DOCK10: variants seen among roughly 807,000 people sequenced by gnomAD.
The protein encoded by DOCK10 is dedicator of cytokinesis protein 10.
DOCK10 carries 145 observed loss-of-function variants against 280.1 expected under a neutral mutation model. The observed-to-expected ratio is 0.52, with a 90% confidence interval of 0.45 to 0.59. DOCK10 has a LOEUF of 0.59. Among genes scored for constraint, DOCK10 ranks in the 20% least tolerant of loss-of-function variants. The pLI is 0.00. For missense variants in DOCK10, 2,368 were observed against 2,651.7 expected (o/e 0.89, Z 2.35); for synonymous variants, 915 against 942.2 (o/e 0.97, Z 0.53).
At chr2:225,019,594 T>C (rs1157273215) in intron 1 of DOCK10, among the ~76,000 whole-genome samples, 1 of 152,102 alleles carries the variant, frequency 6.6e-6, no homozygotes, top group African/African-American at 2.4e-5. Context: ...TTCCCGCTGC[T>C]CAATGCCTAC....
chr2:224,898,917 C>T (rs1032642697), intron 3 of DOCK10, among the ~76,000 whole-genome samples: 12 of 152,152 alleles, frequency 7.9e-5, no homozygotes, highest in Non-Finnish European at 5.9e-5. Context: ...AATGTTTTAT[C>T]TTCATTTTGG....
intron 1 of DOCK10, among the ~76,000 whole-genome samples, chr2:225,041,043 C>T (rs1477401844): frequency 6.6e-6 from 1 of 150,978 alleles, no homozygotes; most frequent in Non-Finnish European, 1.5e-5. Flanking sequence ...CTCCAATCAC[C>T]CCCGCCCGCT....
At chr2:224,771,595 A>G (rs1690441138) in intron 53 of DOCK10, among the ~76,000 whole-genome samples, 1 of 152,222 alleles carries the variant, frequency 6.6e-6, no homozygotes, top group Admixed American at 6.5e-5. Context: ...TAGTGCATAG[A>G]AGCCTTTAAT....
At chr2:224,981,228 T>A (rs6722839) in intron 1 of DOCK10, among the ~76,000 whole-genome samples, 101,307 of 152,024 alleles carry the variant, frequency 0.67, 34,295 homozygotes, top group Middle Eastern at 0.78. Flanking sequence ...AGAATAATAT[T>A]GCTTTTTGAA....
At chr2:224,851,483 T>C (rs925057052) in intron 18 of DOCK10, among the ~76,000 whole-genome samples, 1 of 151,802 alleles carries the variant, frequency 6.6e-6, no homozygotes, top group African/African-American at 2.4e-5. Context: ...AGACTCTTTT[T>C]TATATTTACC....
chr2:224,779,321 T>G (rs1691129035), intron 50 of DOCK10, among the ~76,000 whole-genome samples: 1 of 151,930 alleles, frequency 6.6e-6, no homozygotes, highest in Non-Finnish European at 1.5e-5. Context: ...GTTCAAGCGA[T>G]TCTCCTACTT....
chr2:224,980,217 G>T (rs4674957), intron 1 of DOCK10, among the ~76,000 whole-genome samples: 4,733 of 152,234 alleles, frequency 0.031, 231 homozygotes, highest in African/African-American at 0.11. Context: ...ACAAGAGCAG[G>T]TTCCTGAGCT....
chr2:225,013,760 C>T (rs905879075), intron 1 of DOCK10, among the ~76,000 whole-genome samples: 49 of 152,120 alleles, frequency 3.2e-4, no homozygotes, highest in African/African-American at 1.2e-3. Context: ...CAGGTATTTA[C>T]AATTCCTTTT....
intron 39 of DOCK10, among the ~76,000 whole-genome samples, chr2:224,802,311 A>G (rs1243692928): frequency 6.6e-6 from 1 of 152,182 alleles, no homozygotes; most frequent in Non-Finnish European, 1.5e-5. Context: ...GCATATCATT[A>G]TTATTTATGA....
chr2:224,824,016 G>GT (rs11437952), intron 27 of DOCK10, among the ~76,000 whole-genome samples: 59,049 of 151,856 alleles, frequency 0.39, 13,870 homozygotes, highest in African/African-American at 0.66. Flanking sequence ...ACTATTAATG[G>GT]TTAATGAACA....
chr2:225,014,972 C>A (rs1689551577), intron 1 of DOCK10, among the ~76,000 whole-genome samples: 3 of 152,102 alleles, frequency 2.0e-5, no homozygotes, highest in African/African-American at 4.8e-5. Flanking sequence ...TATGGGAGGT[C>A]CCAAATATTT....
chr2:224,796,186 C>A, intron 44 of DOCK10, 130 bp downstream of exon 44: 1 of 644,058 alleles, frequency 1.6e-6, no homozygotes, highest in Non-Finnish European at 2.7e-6. Context: ...GCCTTGGCTT[C>A]TCAAAGTGTT....
chr2:224,960,281 A>G (rs995309524), intron 1 of DOCK10, among the ~76,000 whole-genome samples: 7 of 152,098 alleles, frequency 4.6e-5, no homozygotes, highest in African/African-American at 1.7e-4. Flanking sequence ...GGATTCCCCT[A>G]CCTGCACTCT....
In DOCK10 at chr2:224,807,700, G is replaced by C. The variant is rs200943614; in HGVS notation, c.3670C>G (p.Leu1224Val). 2.5e-6 allele frequency: 4 copies of C among 1,570,048 alleles called. No homozygotes were observed. The highest frequency in any genetic ancestry group is 2.7e-5 in the African/African-American group (2 of 74,200). Residue 1224 changes from leucine (L) to valine (V), a missense_variant, in exon 33 of 56, where the codon CTG becomes GTG. Coordinates refer to ENST00000258390, the MANE Select transcript of DOCK10 (RefSeq NM_014689.3). ...GATGTATTGACAGTAAAAGGATACA[G>C]GTCCTTCAGATAAATCCTTGGCATA... is the stretch of plus-strand genomic sequence containing the variant. ...DNMPRIYLKD[L>V]YPFTVNTSNQ... is the part of the protein sequence containing the mutation.
intron 50 of DOCK10, among the ~76,000 whole-genome samples, chr2:224,781,056 C>T (rs1452709088): frequency 6.6e-6 from 1 of 152,068 alleles, no homozygotes; most frequent in African/African-American, 2.4e-5. Context: ...TTGGTGAGTG[C>T]TAGCTATGTT....
intron 50 of DOCK10, among the ~76,000 whole-genome samples, chr2:224,779,639 A>G (rs1458223759): frequency 1.3e-5 from 2 of 152,262 alleles, no homozygotes; most frequent in East Asian, 1.9e-4. Context: ...TGTTAAAAAA[A>G]GCATAGGCAA....
intron 11 of DOCK10, among the ~76,000 whole-genome samples, chr2:224,865,834 T>TTCTC (rs749148296): frequency 1.4e-4 from 20 of 143,720 alleles, no homozygotes; most frequent in East Asian, 6.0e-4. Context: ...AACCTCCTGT[T>TTCTC]TCTCTCTCTC....
chr2:224,982,309 G>C lies in DOCK10; in HGVS notation c.124-50641C>G, dbSNP rs954494324. The C allele has an allele frequency of 1.5e-5, 18 of 1,231,936 alleles. No individual in the cohort carries two copies. In the African/African-American group the frequency reaches 2.3e-4, roughly 16 times the overall value. The allele number at this position is 1,231,936 out of a possible 1,614,324, so 76.3% of individuals were successfully genotyped here. A position where few individuals can be genotyped will look rare whatever the true frequency, so the allele number is the denominator to read the frequency against. On this transcript the variant is annotated intron_variant, in intron 1 of 55. Coordinates refer to ENST00000258390, the MANE Select transcript of DOCK10 (RefSeq NM_014689.3). ...GGCGTCGTCTACAAATGTGTGGACA[G>C]CTCCTCTGGACCACAGAACGAAAAG...
chr2:224,851,457 T>TAA (rs1420142100), intron 18 of DOCK10, among the ~76,000 whole-genome samples: 11 of 143,770 alleles, frequency 7.7e-5, no homozygotes, highest in Non-Finnish European at 4.5e-5. Flanking sequence ...CTTTTTTTTT[T>TAA]TAAAAAAAAA....
Sources: allele counts gnomAD v4.1 joint callset (sites outside exome capture counted in the v4.1 genomes callset), GRCh38; gene constraint gnomAD v4.1.1; transcripts MANE v1.5; gene names NCBI Gene and HGNC (gene_info 2026-07-23, HGNC 2026-07-21).